KSR1: variants seen among roughly 807,000 people sequenced by gnomAD.
KSR1 encodes the protein kinase suppressor of ras 1.
KSR1 carries 35 observed loss-of-function variants against 92.9 expected under a neutral mutation model. The observed-to-expected ratio is 0.38, with a 90% CI of 0.29 to 0.50. KSR1 has a LOEUF of 0.50. Ranked by LOEUF, KSR1 falls within the 20% of genes least tolerant of loss-of-function variation. The pLI, the probability that KSR1 is intolerant of heterozygous loss-of-function variation, is 0.94. For synonymous variants in KSR1, 467 were observed against 472.6 expected (o/e 0.99, Z 0.15); for missense variants, 972 against 1,158.5 (o/e 0.84, Z 2.34).
intron 1 of KSR1, among the ~76,000 whole-genome samples, chr17:27,488,158 A>G (rs2068722452): frequency 6.6e-6 from 1 of 152,210 alleles, no homozygotes; most frequent in Non-Finnish European, 1.5e-5. Context: ...AAAATTTTTG[A>G]ATTGTGAAAT....
intron 1 of KSR1, among the ~76,000 whole-genome samples, chr17:27,509,662 A>AAAAC (rs34088526): frequency 0.89 from 134,940 of 151,318 alleles, 60,287 homozygotes; most frequent in East Asian, 1. Flanking sequence ...TCTCTAGTTT[A>AAAAC]AAACAAACAA....
intron 1 of KSR1, among the ~76,000 whole-genome samples, chr17:27,486,397 C>A (rs1296990030): frequency 6.6e-6 from 1 of 152,176 alleles, no homozygotes; most frequent in Non-Finnish European, 1.5e-5. Context: ...CCATCCACCC[C>A]GCCAAATGTG....
chr17:27,549,991 G>T (rs2071333153), intron 1 of KSR1, among the ~76,000 whole-genome samples: 1 of 152,130 alleles, frequency 6.6e-6, no homozygotes, highest in Non-Finnish European at 1.5e-5. Context: ...CAAACCAGCA[G>T]GTCTTCCATA....
At chr17:27,615,093 AG>A (rs775241911) in intron 18 of KSR1, among the ~76,000 whole-genome samples, 52 of 152,220 alleles carry the variant, frequency 3.4e-4, no homozygotes, top group Non-Finnish European at 5.6e-4. Context: ...AAAAGACCAG[AG>A]GGTTCTTAAT....
chr17:27,486,946 G>T (rs2068682768), intron 1 of KSR1, among the ~76,000 whole-genome samples: 1 of 152,144 alleles, frequency 6.6e-6, no homozygotes, highest in South Asian at 2.1e-4. Context: ...TGTCGCCTTG[G>T]GTACTTTCCT....
At chr17:27,560,130 G>A (rs2071764554) in intron 2 of KSR1, among the ~76,000 whole-genome samples, 1 of 152,228 alleles carries the variant, frequency 6.6e-6, no homozygotes, top group Non-Finnish European at 1.5e-5. Context: ...GCGGGGCCCT[G>A]CCCCGCTCCC....
At position 27,577,724 on chromosome 17, in the gene KSR1, G is replaced by A. The variant is rs1415858036; in HGVS notation, c.520+85G>A. On this transcript the variant is annotated intron_variant, in intron 3 of 20. Transcript: ENST00000644974. The surrounding 1 kb of genome is among the most constrained non-coding windows in gnomAD (Gnocchi z 4.5). ...TCACTATGGTGGGTGATGGAGCGGG[G>A]CAAGCGTGGCCCAGGGTTTCTGGGG... 1.7e-6 allele frequency: 2 copies of A among 1,174,074 alleles called. No individual in the cohort carries two copies. Among genetic ancestry groups the A allele is most frequent in the Admixed American group, 2.0e-5 (1 of 50,264 alleles). 72.7% of individuals were successfully genotyped at this position (1,174,074 alleles called of 1,614,324 possible). A position where few individuals can be genotyped will look rare whatever the true frequency, so the allele number is the denominator to read the frequency against.
intron 1 of KSR1, among the ~76,000 whole-genome samples, chr17:27,537,992 AT>A (rs1361402835): frequency 6.6e-6 from 1 of 152,224 alleles, no homozygotes; most frequent in Non-Finnish European, 1.5e-5. Flanking sequence ...AGACAAAAAG[AT>A]TGTTAAGTTG....
chr17:27,601,256 C>T (rs2073546585), intron 10 of KSR1, 104 bp from the exon 11 acceptor site: 3 of 978,024 alleles, frequency 3.1e-6, no homozygotes, highest in South Asian at 3.0e-5. Flanking sequence ...GCTGTCCCAG[C>T]CCAGTAACAA....
intron 1 of KSR1, among the ~76,000 whole-genome samples, chr17:27,514,813 T>C (rs761861856): frequency 1.3e-5 from 2 of 152,244 alleles, no homozygotes; most frequent in Non-Finnish European, 2.9e-5. Context: ...CAAAGCCTCA[T>C]ACTCCCAAGA....
intron 19 of KSR1, among the ~76,000 whole-genome samples, chr17:27,619,158 A>G (rs938701482): frequency 6.6e-6 from 1 of 152,066 alleles, no homozygotes; most frequent in Non-Finnish European, 1.5e-5. Flanking sequence ...GTCCCTGTGT[A>G]TGTGTGTCAC....
At chr17:27,561,914 T>G (rs1183235518) in intron 2 of KSR1, among the ~76,000 whole-genome samples, 1 of 152,152 alleles carries the variant, frequency 6.6e-6, no homozygotes, top group Non-Finnish European at 1.5e-5. Flanking sequence ...GACGCAATCT[T>G]GGCTCACTGC....
rs377696760 is a variant in KSR1, at chr17:27,470,904, C to T, written c.231+14030C>T. Among the ~76,000 whole-genome samples the T allele has an allele frequency of 2.0e-4, 31 of 151,718 alleles. No homozygotes were observed. The East Asian group carries it at 5.7e-3, about 28-fold the overall frequency. ...TTTTAAATTTCAGACAGAGACTCAC[C>T]CTGTCCCCCAGGCTGGAGTGCAGTG... is the stretch of plus-strand genomic sequence containing the variant. On this transcript the variant is annotated intron_variant, in intron 1 of 20. Coordinates refer to ENST00000644974, the MANE Select transcript of KSR1 (RefSeq NM_001394583.1).
intron 1 of KSR1, among the ~76,000 whole-genome samples, chr17:27,496,760 C>T (rs979860550): frequency 1.3e-5 from 2 of 152,206 alleles, no homozygotes; most frequent in African/African-American, 2.4e-5. Flanking sequence ...ACCTGCCAAA[C>T]GCAGGGCCTC....
rs576344334 is a variant in KSR1 at position 27,458,041 on chromosome 17, C to T, written c.231+1167C>T. On this transcript the variant is annotated intron_variant, in intron 1 of 20. Transcript: ENST00000644974. ...GAATCCTTGTTTGATTCCAAATGCT[C>T]GGGGGTGACTCTCCCTCAGTTTTAT... 2.0e-5 allele frequency among the ~76,000 whole-genome samples: 3 copies of T among 151,982 alleles called. No homozygotes were observed. The South Asian group carries it at 6.2e-4, about 32-fold the overall frequency.
At chr17:27,528,374 C>T (rs2070400072) in intron 1 of KSR1, among the ~76,000 whole-genome samples, 1 of 152,156 alleles carries the variant, frequency 6.6e-6, no homozygotes, top group Non-Finnish European at 1.5e-5. Flanking sequence ...GCCAAGTTAA[C>T]ACGTTTAGTC....
intron 1 of KSR1, among the ~76,000 whole-genome samples, chr17:27,480,233 G>T (rs1212156717): frequency 6.6e-6 from 1 of 152,038 alleles, no homozygotes; most frequent in Non-Finnish European, 1.5e-5. Flanking sequence ...CCAGAGTGAG[G>T]TCTTCTCTAA....
At chr17:27,582,215 C>G (rs1048395739) in intron 3 of KSR1, among the ~76,000 whole-genome samples, 2 of 152,062 alleles carry the variant, frequency 1.3e-5, no homozygotes, top group East Asian at 3.9e-4. Flanking sequence ...TTGAGTATCC[C>G]CTATTTGAAA....
intron 1 of KSR1, among the ~76,000 whole-genome samples, chr17:27,494,624 G>T (rs1007969712): frequency 6.6e-6 from 1 of 152,212 alleles, no homozygotes; most frequent in African/African-American, 2.4e-5. Context: ...GGACAAGTAC[G>T]AACAGGTCTT....
Sources: allele counts gnomAD v4.1 joint callset (sites outside exome capture counted in the v4.1 genomes callset), GRCh38; gene constraint gnomAD v4.1.1; non-coding constraint Gnocchi (gnomAD v3.1); transcripts MANE v1.5; gene names NCBI Gene and HGNC (gene_info 2026-07-23, HGNC 2026-07-21).